Variants in MGAM observed in about 807,000 individuals in gnomAD.
MGAM encodes the protein alpha-1,4-glucosidase.
A neutral mutation model predicts 358.8 loss-of-function variants in MGAM; 253 were observed. The observed-to-expected ratio is 0.71, with a 90% CI of 0.64 to 0.78. MGAM has a LOEUF of 0.78. Among genes scored for constraint, MGAM ranks in the 30% least tolerant of loss-of-function variants. The pLI is 0.00. For missense variants in MGAM, 3,080 were observed against 3,432.6 expected (o/e 0.90, Z 2.57); for synonymous variants, 1,105 against 1,227.1 (o/e 0.90, Z 2.08).
intron 64 of MGAM, 155 bp downstream of exon 64, chr7:142,095,868 A>G (rs1815859150): frequency 2.6e-6 from 3 of 1,163,618 alleles, no homozygotes; most frequent in Non-Finnish European, 3.6e-6. Flanking sequence ...GCACAGTGCT[A>G]TACATGCCTT....
intron 68 of MGAM, 83 bp downstream of exon 68, chr7:142,100,973 C>T (rs1470132050): frequency 8.2e-6 from 10 of 1,218,390 alleles, no homozygotes; most frequent in Non-Finnish European, 1.1e-5. Context: ...TCACCTTTTC[C>T]CTATTATAAC....
rs1812031676 is a variant in MGAM, at chr7:142,060,313, C to G, written c.4062C>G (p.Val1354=). 1.2e-6 allele frequency: 2 copies of G among 1,613,874 alleles called. No homozygotes were observed. The highest frequency in any genetic ancestry group is 1.7e-5 in the Admixed American group (1 of 60,012). The change falls in exon 34 of 71, where the codon GTC becomes GTG. Residue 1354 remains valine, a splice_region_variant and synonymous_variant. Coordinates refer to ENST00000475668, the MANE Select transcript of MGAM (RefSeq NM_001365693.1). ...PNDGDIVWGK[V]WPDFPDVVVN... ...ACTGAACGTATTTCTCTCCATAGGTCTGGCCTGATTTTCCTGATGTTGTTG... is the reference window on the plus strand; with the variant it reads ...ACTGAACGTATTTCTCTCCATAGGTGTGGCCTGATTTTCCTGATGTTGTTG...
In MGAM at chr7:142,059,199, C is replaced by G. The variant is rs1385974195; in HGVS notation, c.3820-273C>G. Among the ~76,000 whole-genome samples the G allele has an allele frequency of 2.6e-5, 4 of 152,204 alleles. No homozygotes were observed. In the East Asian group the frequency reaches 7.7e-4, roughly 29 times the overall value. ...GGCAGTTTACAAAGCACTTTCCAAA[C>G]CAGTGTTTTCTCTTATCCTCAGAAT... On this transcript the variant is annotated intron_variant, in intron 31 of 70. Coordinates refer to ENST00000475668, the MANE Select transcript of MGAM (RefSeq NM_001365693.1).
At chr7:142,026,446 A>G (rs1456977097) in intron 8 of MGAM, among the ~76,000 whole-genome samples, 2 of 152,228 alleles carry the variant, frequency 1.3e-5, no homozygotes, top group Non-Finnish European at 2.9e-5. Flanking sequence ...TACACATACA[A>G]TGCACATACA....
chr7:142,095,684 C>A lies in MGAM; in HGVS notation c.7578C>A (p.Gly2526=). 1 of 1,613,994 alleles carries A rather than the reference C, an allele frequency of 6.2e-7. No individual in the cohort carries two copies. The highest frequency in any genetic ancestry group is 8.5e-7 in the Non-Finnish European group (1 of 1,179,872). The change falls in exon 64 of 71, where the codon GGC becomes GGA. Residue 2526 remains glycine, a synonymous_variant. Coordinates refer to ENST00000475668, the MANE Select transcript of MGAM (RefSeq NM_001365693.1). Reference sequence around the variant, plus strand: ...TGATGCATAAGGCCCACACGGAGGGCGTCACTGTTGTGCGGCCTCTGCTCC... The same window carrying A: ...TGATGCATAAGGCCCACACGGAGGGAGTCACTGTTGTGCGGCCTCTGCTCC... ...YTLMHKAHTE[G]VTVVRPLLHE...
chr7:142,050,543 A>G (rs577951611), intron 23 of MGAM, among the ~76,000 whole-genome samples, 154 bp from the exon 24 acceptor site: 1 of 152,294 alleles, frequency 6.6e-6, no homozygotes, highest in South Asian at 2.1e-4. Context: ...TTATCCAAAT[A>G]ATGTTGTACT....
At chr7:142,043,939 A>G (rs1167121646) in intron 21 of MGAM, among the ~76,000 whole-genome samples, 16 of 112,030 alleles carry the variant, frequency 1.4e-4, no homozygotes, top group African/African-American at 6.5e-4. Context: ...ATATACACAT[A>G]CGACGTTTAA....
upstream of MGAM, chr7:141,995,863 G>C (rs1208876843): frequency 6.6e-6 from 1 of 152,210 alleles, no homozygotes; most frequent in African/African-American, 2.4e-5. Context: ...TTGGTGGACT[G>C]TGCTCCTCTG....
At chr7:142,017,136 T>G (rs1021294000) in intron 3 of MGAM, among the ~76,000 whole-genome samples, 3 of 152,172 alleles carry the variant, frequency 2.0e-5, no homozygotes, top group Admixed American at 6.5e-5. Flanking sequence ...CATAAACATG[T>G]CTTTTTTCTT....
chr7:142,063,733 C>T lies in MGAM; in HGVS notation c.4345+147C>T, dbSNP rs536703763. On this transcript the variant is annotated intron_variant, in intron 36 of 70. Coordinates refer to ENST00000475668, the MANE Select transcript of MGAM (RefSeq NM_001365693.1). ...GGGGACCAGAGACAAAAGCTCTGCA[C>T]GTGCTTTACCCAGCCGGGCATGGGC... 65 of 957,058 alleles carry T rather than the reference C, an allele frequency of 6.8e-5. 1 individual carries two copies. In the African/African-American group the frequency reaches 8.0e-4, roughly 12 times the overall value. The allele number at this position is 957,058 out of a possible 1,614,324, so 59.3% of individuals were successfully genotyped here. A position where few individuals can be genotyped will look rare whatever the true frequency, so the allele number is the denominator to read the frequency against.
chr7:142,104,554 C>T lies in MGAM; in HGVS notation c.8184+1115C>T, dbSNP rs1412110020. On this transcript the variant is annotated intron_variant, in intron 70 of 70. Coordinates refer to ENST00000475668, the MANE Select transcript of MGAM (RefSeq NM_001365693.1). ...AAGTTTTTTTCCTGAGCCACTAACACACTTTATATACATTTTCATCCTAGT... is the reference window on the plus strand; with the variant it reads ...AAGTTTTTTTCCTGAGCCACTAACATACTTTATATACATTTTCATCCTAGT... 2.0e-5 allele frequency among the ~76,000 whole-genome samples: 3 copies of T among 152,198 alleles called. No individual in the cohort carries two copies. The East Asian group carries it at 5.8e-4, about 29-fold the overall frequency.
rs911064052 is a variant in MGAM at position 142,105,976 on chromosome 7, A to C, written c.*85A>C. 2 of 1,069,428 alleles carry C rather than the reference A, an allele frequency of 1.9e-6. No individual in the cohort carries two copies. Among genetic ancestry groups the C allele is most frequent in the African/African-American group, 3.1e-5 (2 of 63,868 alleles). 66.2% of individuals were successfully genotyped at this position (1,069,428 alleles called of 1,614,324 possible). ...CTCATAAAAATTATTGTGTGTTGCTAATTTGTTCATACCCACTATTGGTGA... is the reference window on the plus strand; with the variant it reads ...CTCATAAAAATTATTGTGTGTTGCTCATTTGTTCATACCCACTATTGGTGA... On this transcript the variant is annotated 3_prime_UTR_variant, in exon 71 of 71. Transcript: ENST00000475668.
intron 42 of MGAM, 36 bp from the exon 43 acceptor site, chr7:142,068,611 G>A: frequency 6.9e-7 from 1 of 1,439,068 alleles, no homozygotes; most frequent in East Asian, 2.3e-5. Flanking sequence ...CTGGAAAATG[G>A]TGGCACTGCC....
intron 51 of MGAM, 120 bp from the exon 52 acceptor site, chr7:142,082,355 T>C: frequency 7.9e-7 from 1 of 1,273,122 alleles, no homozygotes; most frequent in Admixed American, 2.2e-5. Context: ...CTTTGTTTCA[T>C]GTGTTTAATT....
chr7:142,012,287 C>A (rs1554454616), intron 3 of MGAM, among the ~76,000 whole-genome samples: 1 of 152,024 alleles, frequency 6.6e-6, no homozygotes, highest in African/African-American at 2.4e-5. Context: ...TGGATGGAGA[C>A]TAGAAAGAAC....
At chr7:141,998,960 T>C (rs1804510730) in intron 1 of MGAM, among the ~76,000 whole-genome samples, 1 of 152,178 alleles carries the variant, frequency 6.6e-6, no homozygotes, top group Non-Finnish European at 1.5e-5. Context: ...TTGCCACCCT[T>C]ACCCCAACAT....
upstream of MGAM, among the ~76,000 whole-genome samples, chr7:141,993,947 C>T (rs1443087245): frequency 6.6e-6 from 1 of 152,186 alleles, no homozygotes; most frequent in Non-Finnish European, 1.5e-5. Flanking sequence ...TGTATCTCAG[C>T]TCACTACAAC....
rs1814177007 is a variant in MGAM, at chr7:142,080,697, A to G, written c.5848-94A>G. ...AACTTAAAGAAGACAGAAACATAGC[A>G]TCTGAACTTTTGTCCAAAAATCAAA... On this transcript the variant is annotated intron_variant, in intron 49 of 70. Coordinates refer to ENST00000475668, the MANE Select transcript of MGAM (RefSeq NM_001365693.1). 9.8e-6 allele frequency: 11 copies of G among 1,122,828 alleles called. 1 individual carries two copies. The highest frequency in any genetic ancestry group is 2.0e-4 in the Middle Eastern group (1 of 4,942). The allele number at this position is 1,122,828 out of a possible 1,614,324, so 69.6% of individuals were successfully genotyped here.
At chr7:142,054,998 C>T (rs962886802) in intron 27 of MGAM, 90 bp downstream of exon 27, 3 of 1,350,224 alleles carry the variant, frequency 2.2e-6, no homozygotes, top group African/African-American at 2.9e-5. Flanking sequence ...TGGTTCAAAA[C>T]ATCACATTGT....
Sources: gnomAD v4.1 joint callset for allele counts (sites outside exome capture counted in the v4.1 genomes callset) on GRCh38, gnomAD v4.1.1 for gene constraint, MANE v1.5 for transcripts, NCBI Gene and HGNC (gene_info 2026-07-23, HGNC 2026-07-21) for gene names.